Variants in CDCA2 observed in about 807,000 individuals in gnomAD.
CDCA2 encodes cell division cycle associated 2, also known as cell division cycle-associated protein 2.
In CDCA2, 44 loss-of-function variants were observed where a neutral mutation model predicts 67.0. The ratio of observed to expected loss-of-function variants is 0.66; its 90% confidence interval spans 0.52 to 0.84. The LOEUF is 0.84. Among genes scored for constraint, CDCA2 ranks in the 40% least tolerant of loss-of-function variants. The pLI is 0.00. For missense variants in CDCA2, 1,253 were observed against 1,203.2 expected, an observed-to-expected ratio of 1.04 and a Z score of -0.61; for synonymous variants, 447 against 418.7, an observed-to-expected ratio of 1.07 and a Z score of -0.82.
chr8:25,502,280 G>A (rs1024282225), intron 13 of CDCA2, among the ~76,000 whole-genome samples: 2 of 151,958 alleles, frequency 1.3e-5, no homozygotes, highest in East Asian at 1.9e-4. Flanking sequence ...CATTCCTTTC[G>A]CCCATAACAG....
At chr8:25,474,351 A>T (rs1300988045) in intron 7 of CDCA2, among the ~76,000 whole-genome samples, 1 of 152,222 alleles carries the variant, frequency 6.6e-6, no homozygotes, top group Admixed American at 6.5e-5. Flanking sequence ...TGTTTGAGAA[A>T]ACTTGTCAGT....
intron 4 of CDCA2, among the ~76,000 whole-genome samples, chr8:25,464,760 T>C (rs960219915): frequency 2.0e-5 from 3 of 152,230 alleles, no homozygotes; most frequent in African/African-American, 7.2e-5. Flanking sequence ...ATCTTTTCCC[T>C]GTCGTTCTGT....
intron 4 of CDCA2, among the ~76,000 whole-genome samples, chr8:25,462,867 G>C (rs1374569741): frequency 6.6e-6 from 1 of 152,012 alleles, no homozygotes; most frequent in Non-Finnish European, 1.5e-5. Context: ...TTTTTGTAGA[G>C]ATGGGGCCTC....
chr8:25,477,494 T>C (rs564301178), intron 7 of CDCA2, among the ~76,000 whole-genome samples: 66 of 152,238 alleles, frequency 4.3e-4, no homozygotes, highest in African/African-American at 1.5e-3. Context: ...TCAAAGGAGA[T>C]GGTTATTGGA....
intron 14 of CDCA2, among the ~76,000 whole-genome samples, chr8:25,505,675 T>G (rs1804648236): frequency 6.6e-6 from 1 of 152,214 alleles, no homozygotes; most frequent in Non-Finnish European, 1.5e-5. Flanking sequence ...AACTTATGTT[T>G]TATACTTTTT....
chr8:25,460,530 G>A lies in CDCA2; in HGVS notation c.208G>A (p.Glu70Lys), dbSNP rs1463773015. The change falls in exon 3 of 15, where the codon GAA becomes AAA. Residue 70 changes from glutamate (E) to lysine (K), a missense_variant. By Grantham distance (56) the Glu-to-Lys change is moderately conservative. Transcript: ENST00000330560. ...VTVEQLGITP[E>K]SFVRNSAGKS... is the part of the protein sequence containing the mutation. ...CGTAGAGCAATTGGGAATTACACCT[G>A]AAAGCTTTGTTAGGAACTCTGCAGG... 2 of 1,613,902 alleles carry A rather than the reference G, an allele frequency of 1.2e-6. No individual in the cohort carries two copies. The highest frequency in any genetic ancestry group is 3.3e-5 in the Admixed American group (2 of 59,982).
At chr8:25,492,910 CCCTGGGTTTAAAT>C (rs1804069409) in intron 13 of CDCA2, among the ~76,000 whole-genome samples, 1 of 151,992 alleles carries the variant, frequency 6.6e-6, no homozygotes. Context: ...TGGACCAGAC[CCCTGGGTTTAAAT>C]CCTGGGTTCA....
At chr8:25,460,215 T>C in intron 1 of CDCA2, 25 bp from the exon 2 acceptor site, 1 of 1,613,008 alleles carries the variant, frequency 6.2e-7, no homozygotes, top group African/African-American at 1.3e-5. Context: ...GGGGTTATTT[T>C]TCATTGTTTT....
At chr8:25,490,174 T>G in intron 13 of CDCA2, among the ~76,000 whole-genome samples, 1 of 152,116 alleles carries the variant, frequency 6.6e-6, no homozygotes, top group Non-Finnish European at 1.5e-5. Context: ...TACATACAAC[T>G]TATTACATTA....
At chr8:25,481,676 C>T (rs781348070) in intron 8 of CDCA2, among the ~76,000 whole-genome samples, 16 of 151,722 alleles carry the variant, frequency 1.1e-4, no homozygotes, top group Non-Finnish European at 2.1e-4. Flanking sequence ...GGCAACAGAG[C>T]GAGACTCCAT....
intron 13 of CDCA2, among the ~76,000 whole-genome samples, chr8:25,497,791 CCT>C (rs1315487422): frequency 1.3e-5 from 2 of 152,130 alleles, no homozygotes; most frequent in Non-Finnish European, 2.9e-5. Context: ...TATGTCAAAA[CCT>C]CTCATCCACC....
intron 13 of CDCA2, among the ~76,000 whole-genome samples, chr8:25,496,817 A>G (rs1224826809): frequency 6.6e-6 from 1 of 152,198 alleles, no homozygotes; most frequent in Non-Finnish European, 1.5e-5. Flanking sequence ...GTAAATTGCT[A>G]CAGCCTGTTT....
chr8:25,467,378 G>A (rs935808864), intron 5 of CDCA2, among the ~76,000 whole-genome samples: 4 of 152,120 alleles, frequency 2.6e-5, no homozygotes, highest in Admixed American at 6.6e-5. Context: ...TCTAGAGTGC[G>A]TGACCCATTC....
In CDCA2 at chr8:25,483,404, CTG is replaced by C; in HGVS notation, c.1040_1041del (p.Cys347Ter). The part of the protein sequence containing the change: ...KMCLESLQEH[C>X]NNLYDDDGTH... Reference sequence around the variant, plus strand: ...TTAATGTTTATTCTGTTTAGGAACACTGTAACAACCTCTATGATGATGATGGG... The same window carrying C: ...TTAATGTTTATTCTGTTTAGGAACACTAACAACCTCTATGATGATGATGGG... On this transcript the variant is annotated frameshift_variant, in exon 9 of 15. Coordinates refer to ENST00000330560, the MANE Select transcript of CDCA2 (RefSeq NM_152562.4). LOFTEE classifies it high-confidence loss of function. The C allele has an allele frequency of 6.3e-7, 1 of 1,596,414 alleles. No individual in the cohort carries two copies. Among genetic ancestry groups the C allele is most frequent in the Non-Finnish European group, 8.5e-7 (1 of 1,171,026 alleles).
chr8:25,466,681 AT>A (rs1802914159), intron 5 of CDCA2, among the ~76,000 whole-genome samples: 1 of 152,176 alleles, frequency 6.6e-6, no homozygotes, highest in South Asian at 2.1e-4. Flanking sequence ...CTCGGCAAGC[AT>A]TTAGTAAATG....
At chr8:25,483,250 G>A in intron 8 of CDCA2, 149 bp from the exon 9 acceptor site, 1 of 461,616 alleles carries the variant, frequency 2.2e-6, no homozygotes, top group Non-Finnish European at 3.7e-6. Context: ...TCATGGTTTT[G>A]AGCCAGAACA....
chr8:25,468,372 G>C lies in CDCA2; in HGVS notation c.694G>C (p.Asp232His). 6.2e-7 allele frequency: 1 copy of C among 1,613,468 alleles called. No individual in the cohort carries two copies. Among genetic ancestry groups the C allele is most frequent in the Non-Finnish European group, 8.5e-7 (1 of 1,179,698 alleles). Residue 232 changes from aspartate to histidine, a missense_variant, in exon 6 of 15, where the codon GAC (aspartate) becomes CAC (histidine). Coordinates refer to ENST00000330560, the MANE Select transcript of CDCA2 (RefSeq NM_152562.4). ...TCTCCAGATATTCAATATTGATACA[G>C]ACAGAGCATGTGCAGTTGAAACTTC... is the stretch of plus-strand genomic sequence containing the variant. ...IGLQIFNIDTDRACAVETSVD... is the reference protein window; with the variant it reads ...IGLQIFNIDTHRACAVETSVD...
chr8:25,487,211 T>C (rs1448933224), intron 11 of CDCA2, 35 bp from the exon 12 acceptor site: 1 of 1,449,366 alleles, frequency 6.9e-7, no homozygotes, highest in Non-Finnish European at 9.7e-7. Flanking sequence ...GTTTTTGGTT[T>C]CCTACCCTGA....
chr8:25,477,662 A>T (rs1803402407), intron 7 of CDCA2, among the ~76,000 whole-genome samples: 1 of 152,218 alleles, frequency 6.6e-6, no homozygotes, highest in Admixed American at 6.5e-5. Flanking sequence ...TTCAAACATT[A>T]TCACATGCTG....
Sources: gnomAD v4.1 joint callset for allele counts (sites outside exome capture counted in the v4.1 genomes callset) on GRCh38, gnomAD v4.1.1 for gene constraint, MANE v1.5 for transcripts, NCBI Gene and HGNC (gene_info 2026-07-23, HGNC 2026-07-21) for gene names.